The following TTC6 variants were observed in gnomAD, a reference collection of about 807,000 sequenced individuals.
TTC6 encodes the protein tetratricopeptide repeat protein 6.
TTC6 carries 172 observed loss-of-function variants against 210.4 expected under a neutral mutation model. That is an observed-to-expected ratio of 0.82 (90% CI 0.72 to 0.93). The LOEUF (loss-of-function observed/expected upper bound fraction) is 0.93, where lower values mean the gene tolerates loss of function less well. Ranked by LOEUF, TTC6 falls within the 40% of genes least tolerant of loss-of-function variation. The pLI, the probability that TTC6 is intolerant of heterozygous loss-of-function variation, is 0.00. For synonymous variants in TTC6, 804 were observed against 819.6 expected, an observed-to-expected ratio of 0.98 and a Z score of 0.32; for missense variants, 2,414 against 2,318.1, an observed-to-expected ratio of 1.04 and a Z score of -0.85.
chr14:37,662,675 C>T (rs925586111), intron 1 of TTC6, among the ~76,000 whole-genome samples: 1 of 152,108 alleles, frequency 6.6e-6, no homozygotes, highest in African/African-American at 2.4e-5. Flanking sequence ...GTCCTTTCCC[C>T]ATCGCTTCTT....
In TTC6 at chr14:37,672,817, C is replaced by A. The variant is rs376337877; in HGVS notation, c.940-7334C>A. On this transcript the variant is annotated intron_variant, in intron 1 of 30. Transcript: ENST00000553443. ...GATTTAAGCAAGCTTTTCATGAATT[C>A]CTCATTTTTTTTTTTTTTTTTTTAC... Among the ~76,000 whole-genome samples, 1,055 of 133,324 alleles carry A rather than the reference C, an allele frequency of 7.9e-3. 24 individuals carry two copies. The highest frequency in any genetic ancestry group is 0.03 in the African/African-American group (1,007 of 33,490). 87.5% of individuals were successfully genotyped at this position (133,324 alleles called of 152,430 possible). A position where few individuals can be genotyped will look rare whatever the true frequency, so the allele number is the denominator to read the frequency against.
chr14:37,677,291 T>A (rs1301736231), intron 1 of TTC6, among the ~76,000 whole-genome samples: 5 of 152,074 alleles, frequency 3.3e-5, no homozygotes, highest in Non-Finnish European at 7.4e-5. Flanking sequence ...TTTCTAAGTA[T>A]TTTATTCTCA....
intron 12 of TTC6, 60 bp downstream of exon 14, chr14:37,749,903 A>G (rs1412884427): frequency 3.5e-6 from 4 of 1,140,150 alleles, no homozygotes; most frequent in Non-Finnish European, 4.5e-6. Context: ...TTTGTCATTT[A>G]TTGGTACTAT....
At chr14:37,779,089 C>T (rs528152018) in intron 14 of TTC6, among the ~76,000 whole-genome samples, 2 of 152,278 alleles carry the variant, frequency 1.3e-5, no homozygotes, top group African/African-American at 2.4e-5. Context: ...CTCCTGCTGC[C>T]AGGATTCCAG....
chr14:37,684,681 C>T (rs907093798), intron 3 of TTC6, among the ~76,000 whole-genome samples: 2 of 152,100 alleles, frequency 1.3e-5, no homozygotes, highest in African/African-American at 4.8e-5. Flanking sequence ...CTCCAAGAAT[C>T]ATATATTTAT....
intron 2 of TTC6, among the ~76,000 whole-genome samples, chr14:37,608,861 G>A (rs1240576897): frequency 6.6e-6 from 1 of 152,046 alleles, no homozygotes; most frequent in Non-Finnish European, 1.5e-5. Context: ...ACTACAGGGG[G>A]CTTTGAAGCT....
At chr14:37,600,978 C>G in intron 1 of TTC6, among the ~76,000 whole-genome samples, 1 of 152,360 alleles carries the variant, frequency 6.6e-6, no homozygotes, top group East Asian at 1.9e-4. Flanking sequence ...AACAGAAACA[C>G]TATGAAGCAG....
chr14:37,637,042 AT>A (rs1247923205), intron 1 of TTC6, among the ~76,000 whole-genome samples: 1 of 152,172 alleles, frequency 6.6e-6, no homozygotes, highest in Non-Finnish European at 1.5e-5. Flanking sequence ...AGTTAACTTC[AT>A]TTCAACAAAT....
In TTC6 at chr14:37,624,860, A is replaced by G. The variant is rs1010066748; in HGVS notation, c.939+1857A>G. Among the ~76,000 whole-genome samples, 4 of 151,940 alleles carry G rather than the reference A, an allele frequency of 2.6e-5. No homozygotes were observed. The East Asian group carries it at 7.8e-4, about 30-fold the overall frequency. ...ATGGTCTCGATCTCCTGACCTCGTG[A>G]TCCGCCCGCCTCGGCCTCCCAAAGT... is the stretch of plus-strand genomic sequence containing the variant. On this transcript the variant is annotated intron_variant, in intron 1 of 30. Coordinates refer to ENST00000553443, the Ensembl canonical transcript of TTC6.
chr14:37,783,686 T>G (rs183883988), intron 14 of TTC6, among the ~76,000 whole-genome samples: 2 of 152,288 alleles, frequency 1.3e-5, no homozygotes, highest in Admixed American at 1.3e-4. Context: ...TTGAATGTGT[T>G]TGCTCTTGCT....
chr14:37,770,532 G>T (rs2096014669), intron 14 of TTC6, among the ~76,000 whole-genome samples: 1 of 151,892 alleles, frequency 6.6e-6, no homozygotes, highest in East Asian at 1.9e-4. Flanking sequence ...TCTTCTTGTT[G>T]AAGTGATCCC....
chr14:37,840,629 T>C (rs906408256), intron 29 of TTC6, among the ~76,000 whole-genome samples: 1 of 152,098 alleles, frequency 6.6e-6, no homozygotes, highest in Non-Finnish European at 1.5e-5. Context: ...ATCCAGTACA[T>C]CAAAAAACTT....
intron 15 of TTC6, among the ~76,000 whole-genome samples, chr14:37,788,841 C>T (rs1398486511): frequency 1.3e-5 from 2 of 152,102 alleles, no homozygotes; most frequent in African/African-American, 4.8e-5. Context: ...CAAACCACCC[C>T]CATTTCTAGA....
rs1206379566 is a variant in TTC6 at position 37,638,634 on chromosome 14, G to C, written c.939+15631G>C. ...TGCTGGGAGTTAAGGGTGGGGGCGG[G>C]GGGGCTGGGAGGGAAGTGTTTGTGG... On this transcript the variant is annotated intron_variant, in intron 1 of 30. Coordinates refer to ENST00000553443, the Ensembl canonical transcript of TTC6. Among the ~76,000 whole-genome samples the C allele has an allele frequency of 2.0e-5, 3 of 151,874 alleles. No homozygotes were observed. In the East Asian group the frequency reaches 5.8e-4, roughly 29 times the overall value.
At chr14:37,643,787 C>G (rs543935344) in intron 1 of TTC6, among the ~76,000 whole-genome samples, 1 of 152,246 alleles carries the variant, frequency 6.6e-6, no homozygotes, top group African/African-American at 2.4e-5. Context: ...TAGTCTCAAG[C>G]TCTTCATCTC....
chr14:37,671,441 G>A (rs900455389), intron 1 of TTC6, among the ~76,000 whole-genome samples: 2 of 152,112 alleles, frequency 1.3e-5, no homozygotes, highest in African/African-American at 4.8e-5. Context: ...AGCTACTAGA[G>A]CCTTTTTGAA....
chr14:37,714,697 T>C, exon 6 of TTC6: 1 of 1,535,648 alleles, frequency 6.5e-7, no homozygotes, highest in Non-Finnish European at 8.7e-7. Flanking sequence ...ACCAAGAATA[T>C]GTCCATATTC....
At chr14:37,751,987 T>A (rs1052861291) in intron 13 of TTC6, among the ~76,000 whole-genome samples, 9 of 151,706 alleles carry the variant, frequency 5.9e-5, no homozygotes, top group Non-Finnish European at 1.2e-4. Context: ...CTATGCCCGG[T>A]TAATTTTTTT....
At chr14:37,600,914 T>C (rs2095614480) in intron 1 of TTC6, among the ~76,000 whole-genome samples, 1 of 152,252 alleles carries the variant, frequency 6.6e-6, no homozygotes, top group Non-Finnish European at 1.5e-5. Flanking sequence ...CCTTGTTCTA[T>C]GGACCACAGA....
Sources: allele counts gnomAD v4.1 joint callset (sites outside exome capture counted in the v4.1 genomes callset), GRCh38; gene constraint gnomAD v4.1.1; transcripts MANE v1.5; gene names NCBI Gene and HGNC (gene_info 2026-07-23, HGNC 2026-07-21).